TMEM132B: variants seen among roughly 807,000 people sequenced by gnomAD.
TMEM132B encodes the protein transmembrane protein 132B.
Under a neutral mutation model 90.8 loss-of-function variants are expected in TMEM132B, and 18 were observed. The observed-to-expected ratio is 0.20, with a 90% CI of 0.14 to 0.29. The LOEUF (loss-of-function observed/expected upper bound fraction) is 0.29. Among genes scored for constraint, TMEM132B ranks in the 10% least tolerant of loss-of-function variants. The probability of loss-of-function intolerance (pLI) is 1.00; values close to 1 mark genes in which losing one functional copy is unlikely to be tolerated. For missense variants in TMEM132B, 1,096 were observed against 1,326.8 expected (o/e 0.83, Z 2.70); for synonymous variants, 504 against 523.3 (o/e 0.96, Z 0.50).
In TMEM132B at chr12:125,459,758, C is replaced by T. The variant is rs1881387418; in HGVS notation, c.1106+44081C>T. On this transcript the variant is annotated intron_variant, in intron 3 of 8. Transcript: ENST00000682704. The surrounding 1 kb of genome is among the most constrained non-coding windows in gnomAD (Gnocchi z 4.1). ...TCTGGATGTGTCCCCACCCAAATCT[C>T]ATCCTGAATTGTAGCTCCCATAATT... is the stretch of plus-strand genomic sequence containing the variant. 6.6e-6 allele frequency among the ~76,000 whole-genome samples: 1 copy of T among 152,206 alleles called. No individual in the cohort carries two copies. Among genetic ancestry groups the T allele is most frequent in the Non-Finnish European group, 1.5e-5 (1 of 68,034 alleles).
chr12:125,515,433 A>ACACT (rs58101915), intron 3 of TMEM132B, among the ~76,000 whole-genome samples: 65,802 of 151,262 alleles, frequency 0.44, 16,859 homozygotes, highest in East Asian at 0.86. Context: ...ACACTCTCAC[A>ACACT]CATACACACA....
intron 1 of TMEM132B, among the ~76,000 whole-genome samples, chr12:125,275,570 A>T (rs927693887): frequency 6.6e-6 from 1 of 152,218 alleles, no homozygotes; most frequent in African/African-American, 2.4e-5. Context: ...GAAGTTGGGT[A>T]AAGCTGCTCA....
chr12:125,432,789 G>A (rs930545286), intron 3 of TMEM132B, among the ~76,000 whole-genome samples: 6 of 151,930 alleles, frequency 3.9e-5, no homozygotes, highest in African/African-American at 4.8e-5. Flanking sequence ...TGGTGGAATC[G>A]GCATCTGGTA....
chr12:125,379,210 G>A (rs1053837452), intron 2 of TMEM132B, among the ~76,000 whole-genome samples: 18 of 152,204 alleles, frequency 1.2e-4, no homozygotes, highest in South Asian at 4.1e-4. Flanking sequence ...ATGGCAAGGG[G>A]GAATTGAGGT....
chr12:125,450,166 A>G lies in TMEM132B; in HGVS notation c.1106+34489A>G, dbSNP rs145657812. On this transcript the variant is annotated intron_variant, in intron 3 of 8. Transcript: ENST00000682704. ...TAGCTATGAGGATAACTTGCAGTCA[A>G]ATTTTACCATTTTATATTCTTTTGT... Among the ~76,000 whole-genome samples the G allele has an allele frequency of 4.5e-3, 680 of 152,316 alleles. 7 individuals carry two copies. Among genetic ancestry groups the G allele is most frequent in the African/African-American group, 0.015 (618 of 41,566 alleles).
intron 3 of TMEM132B, among the ~76,000 whole-genome samples, chr12:125,421,143 C>G (rs1347856644): frequency 6.6e-6 from 1 of 152,226 alleles, no homozygotes; most frequent in African/African-American, 2.4e-5. Context: ...TCTTCTAAGT[C>G]ATCCAAACTG....
At chr12:125,226,486 G>A (rs1593047709) in intron 1 of TMEM132B, among the ~76,000 whole-genome samples, 1 of 152,282 alleles carries the variant, frequency 6.6e-6, no homozygotes, top group Middle Eastern at 3.4e-3. Context: ...GTCCCATTTT[G>A]TAGATGAGGA....
intron 1 of TMEM132B, among the ~76,000 whole-genome samples, chr12:125,278,318 A>C (rs1316776925): frequency 6.6e-6 from 1 of 152,208 alleles, no homozygotes; most frequent in Non-Finnish European, 1.5e-5. Flanking sequence ...TTACAGAAAG[A>C]CTGTGCTGAC....
chr12:125,497,437 C>T (rs1253143493), intron 3 of TMEM132B, among the ~76,000 whole-genome samples: 2 of 152,192 alleles, frequency 1.3e-5, no homozygotes, highest in Admixed American at 1.3e-4. Flanking sequence ...TTCCTGTCTA[C>T]ATCATTTTAT....
intron 4 of TMEM132B, among the ~76,000 whole-genome samples, chr12:125,562,115 C>T (rs1884547406): frequency 6.6e-6 from 1 of 152,238 alleles, no homozygotes; most frequent in Non-Finnish European, 1.5e-5. Flanking sequence ...TCCATCACCA[C>T]TCACTGCTTC....
At chr12:125,303,582 C>T (rs944398854) in intron 1 of TMEM132B, among the ~76,000 whole-genome samples, 4 of 152,192 alleles carry the variant, frequency 2.6e-5, no homozygotes, top group Non-Finnish European at 5.9e-5. Flanking sequence ...ACAGCAGCTG[C>T]ACCATTTTAT....
At chr12:125,540,821 A>T (rs565083581) in intron 4 of TMEM132B, among the ~76,000 whole-genome samples, 3 of 152,302 alleles carry the variant, frequency 2.0e-5, no homozygotes, top group South Asian at 4.1e-4. Flanking sequence ...ATCTTCTCTC[A>T]CTTAGAAAAA....
intron 1 of TMEM132B, among the ~76,000 whole-genome samples, chr12:125,341,986 C>G (rs1472242089): frequency 6.6e-6 from 1 of 152,274 alleles, no homozygotes; most frequent in East Asian, 1.9e-4. Flanking sequence ...AACTAAATTC[C>G]TTCTGTTCCT....
intron 2 of TMEM132B, among the ~76,000 whole-genome samples, chr12:125,413,311 G>GT (rs965021935): frequency 1.6e-4 from 24 of 151,226 alleles, no homozygotes; most frequent in Non-Finnish European, 2.2e-4. Context: ...TTCACCTGTG[G>GT]TTTTTTTTTC....
intron 5 of TMEM132B, among the ~76,000 whole-genome samples, chr12:125,594,730 A>G (rs2136903248): frequency 6.6e-6 from 1 of 152,334 alleles, no homozygotes; most frequent in Non-Finnish European, 1.5e-5. Context: ...TAAAAACATT[A>G]TTGAGTCTTG....
intron 2 of TMEM132B, among the ~76,000 whole-genome samples, chr12:125,386,804 T>C (rs1327885555): frequency 6.6e-6 from 1 of 152,208 alleles, no homozygotes; most frequent in African/African-American, 2.4e-5. Flanking sequence ...ATAAGAACAG[T>C]TCACCAAATG....
At chr12:125,635,213 T>C (rs1478162800) in intron 5 of TMEM132B, among the ~76,000 whole-genome samples, 1 of 152,200 alleles carries the variant, frequency 6.6e-6, no homozygotes, top group African/African-American at 2.4e-5. Flanking sequence ...GTTACATAGG[T>C]ATACATGTGC....
chr12:125,534,207 A>G (rs1883730870), intron 4 of TMEM132B, among the ~76,000 whole-genome samples: 1 of 152,190 alleles, frequency 6.6e-6, no homozygotes, highest in African/African-American at 2.4e-5. Context: ...ACTACAAGGA[A>G]TACTGGTTTT....
At chr12:125,235,571 A>C (rs1873915425) in intron 1 of TMEM132B, among the ~76,000 whole-genome samples, 1 of 150,982 alleles carries the variant, frequency 6.6e-6, no homozygotes, top group Non-Finnish European at 1.5e-5. Context: ...CTTCCAAAAC[A>C]CTTTCATCCC....
Sources: gnomAD v4.1 joint callset for allele counts (sites outside exome capture counted in the v4.1 genomes callset) on GRCh38, gnomAD v4.1.1 for gene constraint, Gnocchi (gnomAD v3.1) non-coding constraint, MANE v1.5 for transcripts, NCBI Gene and HGNC (gene_info 2026-07-23, HGNC 2026-07-21) for gene names.